DERA: variants seen among roughly 807,000 people sequenced by gnomAD.
DERA encodes the protein 2-deoxy-D-ribose 5-phosphate aldolase.
In DERA, 15 loss-of-function variants were observed where a neutral mutation model predicts 41.1. That is an observed-to-expected ratio of 0.37 (90% CI 0.24 to 0.56). The LOEUF (loss-of-function observed/expected upper bound fraction) is 0.56. Ranked by LOEUF, DERA falls within the 20% of genes least tolerant of loss-of-function variation. The probability of loss-of-function intolerance (pLI) is 0.81; values close to 1 mark genes in which losing one functional copy is unlikely to be tolerated. For synonymous variants in DERA, 139 were observed against 137.4 expected, an observed-to-expected ratio of 1.01 and a Z score of -0.08; for missense variants, 396 against 403.4, an observed-to-expected ratio of 0.98 and a Z score of 0.16.
At chr12:15,930,089 G>A (rs1452595038) in intron 1 of DERA, among the ~76,000 whole-genome samples, 3 of 152,158 alleles carry the variant, frequency 2.0e-5, no homozygotes, top group Non-Finnish European at 2.9e-5. Flanking sequence ...AGCAGTTGGC[G>A]TGGTGCCTAG....
Position 16,001,555 on chromosome 12 carries a change from T to C in DERA, c.637+19119T>C, listed in dbSNP as rs890661802. Among the ~76,000 whole-genome samples the C allele has an allele frequency of 2.6e-5, 4 of 152,204 alleles. No individual in the cohort carries two copies. Among genetic ancestry groups the C allele is most frequent in the Admixed American group, 1.3e-4 (2 of 15,278 alleles). ...TGGTCTTAGGTCTGTGTGACGTGTT[T>C]GATGCTCTGCAAGGTGGTCAGTTTC... is the stretch of plus-strand genomic sequence containing the variant. On this transcript the variant is annotated intron_variant, in intron 6 of 8. Coordinates refer to ENST00000428559, the MANE Select transcript of DERA (RefSeq NM_015954.4). The surrounding 1 kb of genome is among the most constrained non-coding windows in gnomAD (Gnocchi z 4.1).
intron 1 of DERA, among the ~76,000 whole-genome samples, chr12:15,937,137 G>A (rs1948374438): frequency 6.6e-6 from 1 of 151,976 alleles, no homozygotes; most frequent in South Asian, 2.1e-4. Flanking sequence ...TAATTTTTTT[G>A]TAGAGACAGG....
At chr12:15,923,169 C>T (rs1948257518) in intron 1 of DERA, among the ~76,000 whole-genome samples, 2 of 150,382 alleles carry the variant, frequency 1.3e-5, no homozygotes, top group South Asian at 4.2e-4. Context: ...ACTACAGGCG[C>T]CCGCCACTAC....
intron 1 of DERA, among the ~76,000 whole-genome samples, chr12:15,932,604 A>G (rs1222484778): frequency 6.6e-6 from 1 of 152,076 alleles, no homozygotes. Flanking sequence ...TGATTGTGCC[A>G]TTACACTTCA....
chr12:15,978,023 TCC>T, intron 5 of DERA, among the ~76,000 whole-genome samples: 1 of 152,334 alleles, frequency 6.6e-6, no homozygotes, highest in African/African-American at 2.4e-5. Flanking sequence ...CATTGTCCTT[TCC>T]TACCAACATA....
Position 16,003,213 on chromosome 12 carries a change from T to C in DERA, c.637+20777T>C, listed in dbSNP as rs931388494. On this transcript the variant is annotated intron_variant, in intron 6 of 8. Coordinates refer to ENST00000428559, the MANE Select transcript of DERA (RefSeq NM_015954.4). The surrounding 1 kb of genome is among the most constrained non-coding windows in gnomAD (Gnocchi z 4.8). Reference sequence around the variant, plus strand: ...CCTGGTCTCTGCCTTTGTGATGATATGGTGTTCTTCATGTTGTATGTCTGT... The same window carrying C: ...CCTGGTCTCTGCCTTTGTGATGATACGGTGTTCTTCATGTTGTATGTCTGT... 1.3e-5 allele frequency among the ~76,000 whole-genome samples: 2 copies of C among 152,200 alleles called. No individual in the cohort carries two copies. Among genetic ancestry groups the C allele is most frequent in the African/African-American group, 2.4e-5 (1 of 41,448 alleles).
At chr12:15,968,921 A>C (rs1358269133) in intron 5 of DERA, among the ~76,000 whole-genome samples, 1 of 152,142 alleles carries the variant, frequency 6.6e-6, no homozygotes, top group Non-Finnish European at 1.5e-5. Flanking sequence ...TGATTTTGAT[A>C]ATTTATACCT....
chr12:15,973,311 G>A (rs1435211256), intron 5 of DERA, among the ~76,000 whole-genome samples: 1 of 148,358 alleles, frequency 6.7e-6, no homozygotes, highest in African/African-American at 2.5e-5. Context: ...GGTTTTTAAT[G>A]TGACATCACT....
chr12:16,015,672 T>C (rs1036985171), intron 6 of DERA, among the ~76,000 whole-genome samples: 1 of 152,228 alleles, frequency 6.6e-6, no homozygotes, highest in Non-Finnish European at 1.5e-5. Flanking sequence ...ACTATCTATT[T>C]AAACCAATGA....
intron 1 of DERA, among the ~76,000 whole-genome samples, chr12:15,945,843 T>G (rs1948443572): frequency 1.3e-5 from 2 of 152,206 alleles, no homozygotes; most frequent in Admixed American, 6.5e-5. Flanking sequence ...TTTTTGTGCA[T>G]TCAGTATGAT....
chr12:15,977,513 C>T (rs986979375), intron 5 of DERA, among the ~76,000 whole-genome samples: 9 of 152,302 alleles, frequency 5.9e-5, no homozygotes, highest in South Asian at 2.1e-4. Context: ...AGTGCAATGG[C>T]GCAATCTCAG....
In DERA at chr12:16,014,207, T is replaced by C. The variant is rs1948965466; in HGVS notation, c.638-18335T>C. Among the ~76,000 whole-genome samples the C allele has an allele frequency of 6.6e-6, 1 of 152,116 alleles. No individual in the cohort carries two copies. Among genetic ancestry groups the C allele is most frequent in the Non-Finnish European group, 1.5e-5 (1 of 68,018 alleles). ...AGAAATTCAAGCCAGATGCAGAAAT[T>C]TGCATAAGTAACGAGGAGCCAAATG... On this transcript the variant is annotated intron_variant, in intron 6 of 8. Coordinates refer to ENST00000428559, the MANE Select transcript of DERA (RefSeq NM_015954.4). This position sits in a 1 kb window ranked among gnomAD's most constrained non-coding sequence, Gnocchi z 5.4.
In DERA at chr12:15,924,203, G is replaced by A. The variant is rs1264348198; in HGVS notation, c.31+12789G>A. On this transcript the variant is annotated intron_variant, in intron 1 of 8. Coordinates refer to ENST00000428559, the MANE Select transcript of DERA (RefSeq NM_015954.4). The surrounding 1 kb of genome is among the most constrained non-coding windows in gnomAD (Gnocchi z 5.0). The stretch of plus-strand genomic sequence containing the variant: ...AACTCTTTGGGATGCTGCAGTGGGA[G>A]GATCGCTTGAGCCCAGGAGTTTGAG... Among the ~76,000 whole-genome samples the A allele has an allele frequency of 6.6e-6, 1 of 152,172 alleles. No individual in the cohort carries two copies. Among genetic ancestry groups the A allele is most frequent in the Non-Finnish European group, 1.5e-5 (1 of 68,030 alleles).
chr12:15,987,989 C>T (rs1440125565), intron 6 of DERA, among the ~76,000 whole-genome samples: 1 of 152,154 alleles, frequency 6.6e-6, no homozygotes, highest in Non-Finnish European at 1.5e-5. Context: ...GCTCCAGGTG[C>T]AGACTCCATG....
At chr12:16,027,575 G>C (rs1259186780) in intron 6 of DERA, among the ~76,000 whole-genome samples, 1 of 152,212 alleles carries the variant, frequency 6.6e-6, no homozygotes, top group Non-Finnish European at 1.5e-5. Flanking sequence ...GCAGGAATTG[G>C]AGTGATGCAG....
At chr12:15,934,813 A>G (rs1329906354) in intron 1 of DERA, among the ~76,000 whole-genome samples, 1 of 152,180 alleles carries the variant, frequency 6.6e-6, no homozygotes, top group African/African-American at 2.4e-5. Context: ...TGTTAATGAA[A>G]TACTTCATGC....
At chr12:15,930,046 A>C (rs1948316163) in intron 1 of DERA, among the ~76,000 whole-genome samples, 1 of 152,208 alleles carries the variant, frequency 6.6e-6, no homozygotes, top group South Asian at 2.1e-4. Flanking sequence ...GTCATAGAGT[A>C]ACTGTGAAGA....
intron 1 of DERA, 105 bp from the exon 2 acceptor site, chr12:15,956,831 G>T (rs759437437): frequency 2.3e-6 from 2 of 854,440 alleles, no homozygotes; most frequent in Non-Finnish European, 4.0e-6. Context: ...TTAAAAAAAG[G>T]TTGATGTCAA....
At position 16,036,460 on chromosome 12, in the gene DERA, G is replaced by A. The variant is rs1259530498; in HGVS notation, c.900+79G>A. 2 of 1,476,814 alleles carry A rather than the reference G, an allele frequency of 1.4e-6. No homozygotes were observed. The highest frequency in any genetic ancestry group is 9.1e-7 in the Non-Finnish European group (1 of 1,095,400). 91.5% of individuals were successfully genotyped at this position (1,476,814 alleles called of 1,614,324 possible). A position where few individuals can be genotyped will look rare whatever the true frequency, so the allele number is the denominator to read the frequency against. On this transcript the variant is annotated intron_variant, in intron 8 of 8. Transcript: ENST00000428559. This position sits in a 1 kb window ranked among gnomAD's most constrained non-coding sequence, Gnocchi z 4.9. ...GAATTGAAAAGTCAAATTGAGAACT[G>A]GAGATAAAAACTCATCTGATTGACC...
Sources: allele counts gnomAD v4.1 joint callset (sites outside exome capture counted in the v4.1 genomes callset), GRCh38; gene constraint gnomAD v4.1.1; non-coding constraint Gnocchi (gnomAD v3.1); transcripts MANE v1.5; gene names NCBI Gene and HGNC (gene_info 2026-07-23, HGNC 2026-07-21).